The following CACNA1C variants were observed in gnomAD, a reference collection of about 807,000 sequenced individuals.
CACNA1C encodes the protein voltage-dependent L-type calcium channel subunit alpha-1C.
CACNA1C carries 30 observed loss-of-function variants against 229.0 expected under a neutral mutation model. The observed-to-expected ratio is 0.13, with a 90% confidence interval of 0.10 to 0.18. The LOEUF (loss-of-function observed/expected upper bound fraction) is 0.18. Ranked by LOEUF, CACNA1C falls within the 10% of genes least tolerant of loss-of-function variation. The pLI, the probability that CACNA1C is intolerant of heterozygous loss-of-function variation, is 1.00. For synonymous variants in CACNA1C, 1,114 were observed against 1,132.5 expected, an observed-to-expected ratio of 0.98 and a Z score of 0.33; for missense variants, 1,658 against 2,845.0, an observed-to-expected ratio of 0.58 and a Z score of 9.49.
At chr12:2,102,813 G>A (rs545193642) in intron 1 of CACNA1C, among the ~76,000 whole-genome samples, 4 of 152,218 alleles carry the variant, frequency 2.6e-5, no homozygotes, top group South Asian at 2.1e-4. Context: ...AACTGGCCAC[G>A]TATGAGTGAG....
chr12:2,107,785 C>A (rs898651704), intron 1 of CACNA1C, among the ~76,000 whole-genome samples: 1 of 152,196 alleles, frequency 6.6e-6, no homozygotes, highest in African/African-American at 2.4e-5. Flanking sequence ...CATCTGAATT[C>A]ATTCGCTATT....
chr12:2,038,684 G>T (rs370879361), intron 1 of CACNA1C, among the ~76,000 whole-genome samples: 43 of 152,208 alleles, frequency 2.8e-4, no homozygotes, highest in African/African-American at 1.0e-3. Context: ...TTAATAGGGT[G>T]CTAGTTTTGC....
chr12:2,330,377 A>G (rs912460432), intron 3 of CACNA1C, among the ~76,000 whole-genome samples: 1 of 152,236 alleles, frequency 6.6e-6, no homozygotes, highest in Non-Finnish European at 1.5e-5. Flanking sequence ...TAACATTAAA[A>G]ACAAGATAAT....
At chr12:2,610,759 A>G in intron 28 of CACNA1C, 60 bp downstream of exon 28, 1 of 1,577,642 alleles carries the variant, frequency 6.3e-7, no homozygotes, top group Admixed American at 1.7e-5. Flanking sequence ...ATGGGGATGG[A>G]AAGTGTAACG....
chr12:1,981,451 T>C lies in CACNA1C; in HGVS notation c.139+10250T>C, dbSNP rs568875553. Among the ~76,000 whole-genome samples, 45 of 152,338 alleles carry C rather than the reference T, an allele frequency of 3.0e-4. No individual in the cohort carries two copies. The South Asian group carries it at 9.3e-3, about 32-fold the overall frequency. ...GGGGACTGGAAAGACACCTTTGCCC[T>C]GAAGGTGCCTGCACTCTAACAGAGA... On this transcript the variant is annotated intron_variant, in intron 1 of 46. Coordinates refer to the CACNA1C transcript ENST00000682462.
intron 11 of CACNA1C, among the ~76,000 whole-genome samples, chr12:2,563,597 T>C (rs1384504625): frequency 6.6e-6 from 1 of 152,230 alleles, no homozygotes; most frequent in Non-Finnish European, 1.5e-5. Context: ...CCTTCTTTGA[T>C]TACTCTTCAC....
Position 2,348,250 on chromosome 12 carries a change from G to C in CACNA1C, c.478-100726G>C, listed in dbSNP as rs986760853. 2.0e-4 allele frequency among the ~76,000 whole-genome samples: 30 copies of C among 152,172 alleles called. No homozygotes were observed. The highest frequency in any genetic ancestry group is 4.3e-4 in the African/African-American group (18 of 41,446). The stretch of plus-strand genomic sequence containing the variant: ...CCTGAGGCCTTCTGCTCACCGGAAG[G>C]GGGGCAGGTCTGCAGCCCCTCCCCC... On this transcript the variant is annotated intron_variant, in intron 3 of 46. Coordinates refer to ENST00000399655, the MANE Select transcript of CACNA1C (RefSeq NM_000719.7). This position sits in a 1 kb window ranked among gnomAD's most constrained non-coding sequence, Gnocchi z 4.7.
intron 3 of CACNA1C, among the ~76,000 whole-genome samples, chr12:2,136,403 C>A (rs2093496944): frequency 6.6e-6 from 1 of 151,396 alleles, no homozygotes; most frequent in African/African-American, 2.4e-5. Flanking sequence ...GTTTGCATAG[C>A]TATGAAGCAG....
At chr12:2,365,952 A>G (rs1276547494) in intron 3 of CACNA1C, among the ~76,000 whole-genome samples, 1 of 152,254 alleles carries the variant, frequency 6.6e-6, no homozygotes, top group Non-Finnish European at 1.5e-5. Context: ...GCAGAAAAAT[A>G]TGAAGACATA....
chr12:1,979,934 A>T (rs1323621350), intron 1 of CACNA1C, among the ~76,000 whole-genome samples: 1 of 152,218 alleles, frequency 6.6e-6, no homozygotes, highest in Non-Finnish European at 1.5e-5. Flanking sequence ...ATGAGATATC[A>T]CTTCAGAATT....
intron 3 of CACNA1C, among the ~76,000 whole-genome samples, chr12:2,203,778 G>A (rs540535650): frequency 3.3e-5 from 5 of 152,246 alleles, no homozygotes; most frequent in South Asian, 2.1e-4. Flanking sequence ...CTTGGTCCTG[G>A]GTTGCATGCA....
At chr12:2,096,588 A>G (rs895363333) in intron 1 of CACNA1C, among the ~76,000 whole-genome samples, 6 of 152,232 alleles carry the variant, frequency 3.9e-5, no homozygotes, top group African/African-American at 7.2e-5. Context: ...ATGGTAAAAT[A>G]TATGCAACAT....
At chr12:2,426,284 C>A (rs2154557362) in intron 3 of CACNA1C, among the ~76,000 whole-genome samples, 1 of 152,188 alleles carries the variant, frequency 6.6e-6, no homozygotes, top group African/African-American at 2.4e-5. Flanking sequence ...GGTAATAAAC[C>A]CATCTGAAGT....
rs113273737 is a variant in CACNA1C at position 2,460,795 on chromosome 12, C to G, written c.757+3089C>G. 8.4e-3 allele frequency among the ~76,000 whole-genome samples: 1,279 copies of G among 152,334 alleles called. 20 individuals carry two copies. Among genetic ancestry groups the G allele is most frequent in the African/African-American group, 0.029 (1,215 of 41,570 alleles). Reference sequence around the variant, plus strand: ...GTAGCTCCATGCTTATGCATAGGAGCAGCAACGGTGTCTGGTTTCCTTTGG... The same window carrying G: ...GTAGCTCCATGCTTATGCATAGGAGGAGCAACGGTGTCTGGTTTCCTTTGG... On this transcript the variant is annotated intron_variant, in intron 5 of 46. Coordinates refer to ENST00000399655, the MANE Select transcript of CACNA1C (RefSeq NM_000719.7).
At chr12:2,312,338 G>A (rs971980906) in intron 3 of CACNA1C, among the ~76,000 whole-genome samples, 17 of 152,298 alleles carry the variant, frequency 1.1e-4, no homozygotes, top group Non-Finnish European at 2.2e-4. Context: ...GCAGGCGTGC[G>A]GGTGTGCACA....
chr12:2,674,590 C>T lies in CACNA1C; in HGVS notation c.4776C>T (p.Ile1592=), dbSNP rs1454195325. The change falls in exon 39 of 47, where the codon ATC becomes ATT. Residue 1592 remains isoleucine, a synonymous_variant. Transcript: ENST00000399655. ...NEELRAIIKK[I]WKRTSMKLLD... is the part of the protein sequence containing the mutation. ...AGCTGCGGGCGATCATCAAGAAGAT[C>T]TGGAAGCGGACCAGCATGAAGCTGC... The T allele has an allele frequency of 1.9e-6, 3 of 1,576,830 alleles. No individual in the cohort carries two copies. Among genetic ancestry groups the T allele is most frequent in the Admixed American group, 3.7e-5 (2 of 54,496 alleles).
chr12:2,531,305 G>A (rs1312776941), intron 9 of CACNA1C, among the ~76,000 whole-genome samples: 2 of 152,160 alleles, frequency 1.3e-5, no homozygotes, highest in East Asian at 1.9e-4. Flanking sequence ...AGAATCATGA[G>A]CCTGGTGATA....
At chr12:2,004,611 GGCCGC>G in intron 1 of CACNA1C, 1 of 844,770 alleles carries the variant, frequency 1.2e-6, no homozygotes, top group Non-Finnish European at 1.8e-6. Flanking sequence ...ACTAATCGAT[GGCCGC>G]GCCCCGCCCA....
Position 2,488,850 on chromosome 12 carries a change from C to T in CACNA1C, c.916+2588C>T, listed in dbSNP as rs1197632069. ...TGCAATCAGGAGCTTGCTGTCCCTTCGTTCCCAAACCTGCCGTCTGATCAC... is the reference window on the plus strand; with the variant it reads ...TGCAATCAGGAGCTTGCTGTCCCTTTGTTCCCAAACCTGCCGTCTGATCAC... On this transcript the variant is annotated intron_variant, in intron 6 of 46. Coordinates refer to ENST00000399655, the MANE Select transcript of CACNA1C (RefSeq NM_000719.7). This position sits in a 1 kb window ranked among gnomAD's most constrained non-coding sequence, Gnocchi z 4.0. Among the ~76,000 whole-genome samples, 5 of 152,222 alleles carry T rather than the reference C, an allele frequency of 3.3e-5. No individual in the cohort carries two copies. Among genetic ancestry groups the T allele is most frequent in the African/African-American group, 7.2e-5 (3 of 41,456 alleles).
Sources: gnomAD v4.1 joint callset for allele counts (sites outside exome capture counted in the v4.1 genomes callset) on GRCh38, gnomAD v4.1.1 for gene constraint, Gnocchi (gnomAD v3.1) non-coding constraint, MANE v1.5 for transcripts, NCBI Gene and HGNC (gene_info 2026-07-23, HGNC 2026-07-21) for gene names.